Variants in TESC observed in about 807,000 individuals in gnomAD.
TESC encodes the protein calcineurin B homologous protein 3.
TESC carries 19 observed loss-of-function variants against 31.0 expected under a neutral mutation model. The observed-to-expected ratio is 0.61, with a 90% CI of 0.43 to 0.90. TESC has a LOEUF of 0.90. TESC is among the 40% of genes least tolerant of loss of function. The pLI, the probability that TESC is intolerant of heterozygous loss-of-function variation, is 0.00. For synonymous variants in TESC, 109 were observed against 114.8 expected (o/e 0.95, Z 0.32); for missense variants, 248 against 303.8 (o/e 0.82, Z 1.36).
intron 2 of TESC, among the ~76,000 whole-genome samples, chr12:117,067,280 C>T (rs765866477): frequency 6.6e-5 from 10 of 152,194 alleles, no homozygotes; most frequent in African/African-American, 1.9e-4. Flanking sequence ...AAAAAGCTGT[C>T]GAGGCCAGGC....
Position 117,041,624 on chromosome 12 carries a change from C to T in TESC, c.567+323G>A, listed in dbSNP as rs575158629. Among the ~76,000 whole-genome samples, 669 of 152,314 alleles carry T rather than the reference C, an allele frequency of 4.4e-3. 5 individuals carry two copies. Among genetic ancestry groups the T allele is most frequent in the African/African-American group, 0.015 (608 of 41,568 alleles). On this transcript the variant is annotated intron_variant, in intron 7 of 7. Coordinates refer to ENST00000335209, the MANE Select transcript of TESC (RefSeq NM_017899.4). ...CTGGGATTACAGGCATGAGCCACCG[C>T]GCCCAGCCTACAACGGGGGTTACTT...
intron 2 of TESC, among the ~76,000 whole-genome samples, chr12:117,072,422 C>G (rs1954986773): frequency 6.6e-6 from 1 of 152,154 alleles, no homozygotes; most frequent in Non-Finnish European, 1.5e-5. Flanking sequence ...TCCCAAGTGA[C>G]CATGCTCACT....
At chr12:117,098,118 A>G (rs1955419614) in intron 1 of TESC, among the ~76,000 whole-genome samples, 1 of 152,168 alleles carries the variant, frequency 6.6e-6, no homozygotes, top group Non-Finnish European at 1.5e-5. Context: ...TTTTCAGCTG[A>G]CACACAAACA....
At chr12:117,043,190 C>T (rs573537296) in intron 6 of TESC, among the ~76,000 whole-genome samples, 3 of 151,980 alleles carry the variant, frequency 2.0e-5, no homozygotes, top group African/African-American at 4.8e-5. Context: ...GAAGCCACAT[C>T]GGTTCGATTA....
At chr12:117,047,164 A>G (rs1954580772) in intron 4 of TESC, among the ~76,000 whole-genome samples, 1 of 152,238 alleles carries the variant, frequency 6.6e-6, no homozygotes, top group Non-Finnish European at 1.5e-5. Context: ...ATATCACGAC[A>G]GTAAGCGTTA....
Position 117,075,987 on chromosome 12 carries a change from T to TA in TESC, c.59-648_59-647insT, listed in dbSNP as rs1565971881. ...TATATGTATGTATATATATATATAT[T>TA]TTTTTTTTTTAGAAATACAGGGTTT... On this transcript the variant is annotated intron_variant, in intron 1 of 7. Transcript: ENST00000335209. 1.4e-4 allele frequency among the ~76,000 whole-genome samples: 18 copies of TA among 125,534 alleles called. No individual in the cohort carries two copies. The South Asian group carries it at 1.7e-3, about 12-fold the overall frequency. The allele number at this position is 125,534 out of a possible 152,430, so 82.4% of individuals were successfully genotyped here. A position where few individuals can be genotyped will look rare whatever the true frequency, so the allele number is the denominator to read the frequency against.
intron 1 of TESC, among the ~76,000 whole-genome samples, chr12:117,083,750 T>G (rs1370695312): frequency 6.6e-6 from 1 of 152,124 alleles, no homozygotes; most frequent in South Asian, 2.1e-4. Context: ...GTTGAGGGAA[T>G]GAGAAGTGAC....
rs1160289037 is a variant in TESC at position 117,061,933 on chromosome 12, C to G, written c.129-5047G>C. ...TGTAAAATGGGGATCATAGGAATAT[C>G]CAGGTAACATGATGGGGCTAATGAG... is the stretch of plus-strand genomic sequence containing the variant. On this transcript the variant is annotated intron_variant, in intron 2 of 7. Transcript: ENST00000335209. Among the ~76,000 whole-genome samples the G allele has an allele frequency of 1.3e-5, 2 of 152,058 alleles. 1 individual carries two copies. Among genetic ancestry groups the G allele is most frequent in the Non-Finnish European group, 2.9e-5 (2 of 68,008 alleles).
At chr12:117,043,191 G>A (rs118121557) in intron 6 of TESC, among the ~76,000 whole-genome samples, 422 of 152,196 alleles carry the variant, frequency 2.8e-3, no homozygotes, top group Middle Eastern at 6.8e-3. Context: ...AAGCCACATC[G>A]GTTCGATTAT....
chr12:117,048,821 A>C, intron 4 of TESC, 198 bp downstream of exon 4: 37 of 787,042 alleles, frequency 4.7e-5, no homozygotes, highest in Non-Finnish European at 6.4e-5. Flanking sequence ...CTGCTGAGGA[A>C]TGTTTAGGAT....
intron 1 of TESC, among the ~76,000 whole-genome samples, chr12:117,090,149 C>T (rs1370370485): frequency 1.3e-5 from 2 of 151,986 alleles, no homozygotes; most frequent in Non-Finnish European, 2.9e-5. Context: ...ACTCACAGAG[C>T]CTCACTGAAA....
chr12:117,094,050 T>C (rs1955358320), intron 1 of TESC, among the ~76,000 whole-genome samples: 1 of 152,080 alleles, frequency 6.6e-6, no homozygotes. Flanking sequence ...TGTACCTCGG[T>C]CCACACACCA....
chr12:117,079,748 C>A (rs1490239877), intron 1 of TESC, among the ~76,000 whole-genome samples: 1 of 152,078 alleles, frequency 6.6e-6, no homozygotes, highest in African/African-American at 2.4e-5. Flanking sequence ...CAGGGAGACA[C>A]TGTCAATGGG....
rs771054591 is a variant in TESC at position 117,039,196 on chromosome 12, G to A, written c.582C>T (p.Ile194=). 3.1e-6 allele frequency: 5 copies of A among 1,613,578 alleles called. No homozygotes were observed. The highest frequency in any genetic ancestry group is 3.3e-5 in the Admixed American group (2 of 59,970). The part of the protein sequence containing the change: ...FEDFLKIWQG[I]DIETKMHVRF... Reference sequence around the variant, plus strand: ...GGACGTGCATCTTGGTCTCAATGTCGATCCCCTGCCAGATCTGGAAGGGAC... The same window carrying A: ...GGACGTGCATCTTGGTCTCAATGTCAATCCCCTGCCAGATCTGGAAGGGAC... Residue 194 remains isoleucine (I), a synonymous_variant, in exon 8 of 8, where the codon ATC becomes ATT. Transcript: ENST00000335209.
rs767888430 is a variant in TESC, at chr12:117,046,757, GC to G, written c.411+19del. 102 of 1,558,176 alleles carry G rather than the reference GC, an allele frequency of 6.5e-5. No individual in the cohort carries two copies. The highest frequency in any genetic ancestry group is 9.7e-5 in the Admixed American group (5 of 51,570). On this transcript the variant is annotated intron_variant, in intron 5 of 7. Transcript: ENST00000335209. ...GGAAGGCACCAGGAGCCCCGGGCGG[GC>G]CAGAGGAGCATACTTTACATTTCGA...
At chr12:117,096,347 G>A (rs937000688) in intron 1 of TESC, among the ~76,000 whole-genome samples, 1 of 152,186 alleles carries the variant, frequency 6.6e-6, no homozygotes, top group Non-Finnish European at 1.5e-5. Flanking sequence ...CTTGGAGGAA[G>A]GGCCCTGCCT....
At chr12:117,050,657 G>A (rs1485432070) in intron 3 of TESC, among the ~76,000 whole-genome samples, 1 of 152,240 alleles carries the variant, frequency 6.6e-6, no homozygotes, top group Non-Finnish European at 1.5e-5. Context: ...CGGAGGCCAG[G>A]CGCAATGGCT....
At chr12:117,049,903 G>GAAAAAAAAA (rs66797686) in intron 3 of TESC, among the ~76,000 whole-genome samples, 3 of 86,452 alleles carry the variant, frequency 3.5e-5, no homozygotes, top group Non-Finnish European at 7.4e-5. Context: ...CCTGTCTCAA[G>GAAAAAAAAA]AAAAAAAAAA....
intron 4 of TESC, 182 bp downstream of exon 4, chr12:117,048,837 T>A (rs2291910): frequency 0.19 from 170,442 of 905,986 alleles, 17,304 homozygotes; most frequent in South Asian, 0.28. Flanking sequence ...AGGATGAAGG[T>A]GCCGGGAACG....
Sources: gnomAD v4.1 joint callset for allele counts (sites outside exome capture counted in the v4.1 genomes callset) on GRCh38, gnomAD v4.1.1 for gene constraint, MANE v1.5 for transcripts, NCBI Gene and HGNC (gene_info 2026-07-23, HGNC 2026-07-21) for gene names.